TLCD2: variants seen among roughly 807,000 people sequenced by gnomAD.
TLCD2 encodes the protein TLC domain containing 2, also known as TLC domain-containing protein 2.
In TLCD2, 12 loss-of-function variants were observed where a neutral mutation model predicts 14.0. The observed-to-expected ratio is 0.86, with a 90% confidence interval of 0.55 to 1.39. TLCD2 has a LOEUF of 1.39. Ranked by LOEUF, TLCD2 falls within the 40% of genes most tolerant of loss-of-function variation. The pLI is 0.00. For synonymous variants in TLCD2, 166 were observed against 156.5 expected (o/e 1.06, Z -0.45); for missense variants, 360 against 346.8 (o/e 1.04, Z -0.30).
In TLCD2 at chr17:1,707,836, C is replaced by A; in HGVS notation, c.729G>T (p.Gly243=). The A allele has an allele frequency of 6.5e-7, 1 of 1,534,606 alleles. No individual in the cohort carries two copies. Among genetic ancestry groups the A allele is most frequent in the Non-Finnish European group, 8.7e-7 (1 of 1,145,414 alleles). ...PPSPGHEKTR[G]TRTRRDNGPV... ...GTCCATTGTCACGACGTGTCCTGGT[C>A]CCCCTGGTTTTCTCATGGCCAGGGC... The change falls in exon 4 of 4, where the codon GGG becomes GGT. Residue 243 remains glycine, a synonymous_variant. Coordinates refer to ENST00000330676, the MANE Select transcript of TLCD2 (RefSeq NM_001164407.2).
At chr17:1,708,726 A>T (rs1914122723) in intron 3 of TLCD2, among the ~76,000 whole-genome samples, 1 of 151,622 alleles carries the variant, frequency 6.6e-6, no homozygotes. Context: ...CTCGTGATCC[A>T]CCCGCCTCGG....
chr17:1,705,035 TTTTTTCTC>T lies in TLCD2; in HGVS notation c.*2727_*2734del, dbSNP rs1235822990. Reference sequence around the variant, plus strand: ...TAAATTGTTCTGTGCTCTCCTCCTTTTTTTTCTCTCTGTGATTCTCTTTGTCAGCTCCT... The same window carrying T: ...TAAATTGTTCTGTGCTCTCCTCCTTTTCTGTGATTCTCTTTGTCAGCTCCT... On this transcript the variant is annotated 3_prime_UTR_variant, in exon 4 of 4. Coordinates refer to ENST00000330676, the MANE Select transcript of TLCD2 (RefSeq NM_001164407.2). The T allele has an allele frequency of 3.9e-5, 6 of 152,094 alleles. No individual in the cohort carries two copies. Among genetic ancestry groups the T allele is most frequent in the Non-Finnish European group, 8.8e-5 (6 of 68,070 alleles). 9.4% of individuals were successfully genotyped at this position (152,094 alleles called of 1,614,324 possible). A position where few individuals can be genotyped will look rare whatever the true frequency, so the allele number is the denominator to read the frequency against.
At chr17:1,709,653 G>A (rs1325612519) in intron 2 of TLCD2, 72 bp from the exon 3 acceptor site, 9 of 627,920 alleles carry the variant, frequency 1.4e-5, no homozygotes, top group East Asian at 5.4e-5. Flanking sequence ...CAGCCCCCCC[G>A]CCCCGCCCCT....
rs773631302 is a variant in TLCD2, at chr17:1,703,751, G to A, written c.*4019C>T. 5.9e-5 allele frequency: 9 copies of A among 152,176 alleles called. No individual in the cohort carries two copies. The highest frequency in any genetic ancestry group is 1.2e-4 in the Non-Finnish European group (8 of 68,036). 9.4% of individuals were successfully genotyped at this position (152,176 alleles called of 1,614,324 possible). Reference sequence around the variant, plus strand: ...GTATACCAGTGGCCAAAGAAAAGGTGTATGACTTAGAATCAATTCATATCA... The same window carrying A: ...GTATACCAGTGGCCAAAGAAAAGGTATATGACTTAGAATCAATTCATATCA... On this transcript the variant is annotated 3_prime_UTR_variant, in exon 4 of 4. Coordinates refer to ENST00000330676, the MANE Select transcript of TLCD2 (RefSeq NM_001164407.2).
rs1914026166 is a variant in TLCD2 at position 1,706,132 on chromosome 17, GC to G, written c.*1637del. On this transcript the variant is annotated 3_prime_UTR_variant, in exon 4 of 4. Coordinates refer to ENST00000330676, the MANE Select transcript of TLCD2 (RefSeq NM_001164407.2). ...TGGGATTACAGGCATGCACCACCAT[GC>G]CCGGCTAATTTTGTATTTTTAGTAG... 3.9e-5 allele frequency: 6 copies of G among 152,242 alleles called. No homozygotes were observed. The South Asian group carries it at 1.2e-3, about 32-fold the overall frequency. The allele number at this position is 152,242 out of a possible 1,614,324, so 9.4% of individuals were successfully genotyped here.
chr17:1,708,170 G>C lies in TLCD2; in HGVS notation c.395C>G (p.Ser132Cys). 6.5e-7 allele frequency: 1 copy of C among 1,536,570 alleles called. No individual in the cohort carries two copies. Among genetic ancestry groups the C allele is most frequent in the Non-Finnish European group, 8.7e-7 (1 of 1,146,856 alleles). Residue 132 changes from serine (S) to cysteine (C), a missense_variant, in exon 4 of 4, where the codon TCC (serine) becomes TGC (cysteine). Transcript: ENST00000330676. ...CAGTTCCAGGAGCAGAGACACCATG[G>C]AGAAGCCCACGTAGTGGCCAGACAG... ...AVLSGHYVGF[S>C]MVSLLLELNS...
In TLCD2 at chr17:1,707,542, C is replaced by T; in HGVS notation, c.*228G>A. Reference sequence around the variant, plus strand: ...TTGAGTTTATTTGCTGGAAAGGATGCTCATCTGATGACGGATTTCAGTGAA... The same window carrying T: ...TTGAGTTTATTTGCTGGAAAGGATGTTCATCTGATGACGGATTTCAGTGAA... On this transcript the variant is annotated 3_prime_UTR_variant, in exon 4 of 4. Transcript: ENST00000330676. 4.1e-6 allele frequency: 2 copies of T among 490,818 alleles called. No homozygotes were observed. Among genetic ancestry groups the T allele is most frequent in the South Asian group, 4.1e-5 (1 of 24,492 alleles). 30.4% of individuals were successfully genotyped at this position (490,818 alleles called of 1,614,324 possible). A position where few individuals can be genotyped will look rare whatever the true frequency, so the allele number is the denominator to read the frequency against.
intron 2 of TLCD2, 35 bp downstream of exon 2, chr17:1,709,769 C>CAA: frequency 3.1e-6 from 4 of 1,306,492 alleles, no homozygotes; most frequent in African/African-American, 1.5e-5. Context: ...CCCGCCCCAT[C>CAA]CCCACCACCG....
chr17:1,707,598 C>G lies in TLCD2; in HGVS notation c.*172G>C. The G allele has an allele frequency of 1.1e-5, 6 of 564,476 alleles. No homozygotes were observed. The highest frequency in any genetic ancestry group is 1.8e-5 in the Non-Finnish European group (6 of 334,662). The allele number at this position is 564,476 out of a possible 1,614,324, so 35.0% of individuals were successfully genotyped here. A position where few individuals can be genotyped will look rare whatever the true frequency, so the allele number is the denominator to read the frequency against. The stretch of plus-strand genomic sequence containing the variant: ...ACCCAGGTTCCCACCCATCCAACAT[C>G]AGCATTTCTTCTTAGATCCGAGGAA... On this transcript the variant is annotated 3_prime_UTR_variant, in exon 4 of 4. Transcript: ENST00000330676.
Position 1,704,621 on chromosome 17 carries a change from A to G in TLCD2, c.*3149T>C, listed in dbSNP as rs1913973150. The G allele has an allele frequency of 6.6e-6, 1 of 151,050 alleles. No homozygotes were observed. The highest frequency in any genetic ancestry group is 1.5e-5 in the Non-Finnish European group (1 of 67,842). 9.4% of individuals were successfully genotyped at this position (151,050 alleles called of 1,614,324 possible). Reference sequence around the variant, plus strand: ...TGACTCTATGATGGAGACTTCTCACAATCCCTCTCATTTTTTTTTCACACC... The same window carrying G: ...TGACTCTATGATGGAGACTTCTCACGATCCCTCTCATTTTTTTTTCACACC... On this transcript the variant is annotated 3_prime_UTR_variant, in exon 4 of 4. Coordinates refer to ENST00000330676, the MANE Select transcript of TLCD2 (RefSeq NM_001164407.2).
At position 1,707,906 on chromosome 17, in the gene TLCD2, C is replaced by T. The variant is rs556402213; in HGVS notation, c.659G>A (p.Arg220His). The T allele has an allele frequency of 9.4e-5, 144 of 1,537,260 alleles. No homozygotes were observed. The highest frequency in any genetic ancestry group is 2.9e-4 in the Admixed American group (15 of 50,990). The change falls in exon 4 of 4, where the codon CGT (arginine) becomes CAT (histidine). Residue 220 changes from arginine (R) to histidine (H), a missense_variant. Coordinates refer to ENST00000330676, the MANE Select transcript of TLCD2 (RefSeq NM_001164407.2). ...VGIMSIILGI[R>H]ILVNDVLQSR... is the part of the protein sequence containing the mutation. ...CTGTAGGACATCATTGACCAGAATA[C>T]GGATCCCCAATATGATGCTCATGAT...
chr17:1,708,275 G>A (rs926519781), intron 3 of TLCD2, 53 bp from the exon 4 acceptor site: 4 of 1,385,134 alleles, frequency 2.9e-6, no homozygotes, highest in Non-Finnish European at 3.8e-6. Flanking sequence ...CAGCCATCAT[G>A]TCCCAATAAC....
At chr17:1,708,862 G>A (rs1914127194) in intron 3 of TLCD2, among the ~76,000 whole-genome samples, 1 of 152,216 alleles carries the variant, frequency 6.6e-6, no homozygotes, top group Non-Finnish European at 1.5e-5. Flanking sequence ...ACATTTCTGT[G>A]ATCAGCTGGA....
At position 1,707,080 on chromosome 17, in the gene TLCD2, T is replaced by A. The variant is rs1567705426; in HGVS notation, c.*690A>T. The A allele has an allele frequency of 1.3e-5, 2 of 151,858 alleles. No homozygotes were observed. Among genetic ancestry groups the A allele is most frequent in the African/African-American group, 2.4e-5 (1 of 41,282 alleles). 9.4% of individuals were successfully genotyped at this position (151,858 alleles called of 1,614,324 possible). ...TACTCGGGAGGCTAAGGCAGGACAA[T>A]CACTTGAACCCAGGAGGCTGAGGTT... is the stretch of plus-strand genomic sequence containing the variant. On this transcript the variant is annotated 3_prime_UTR_variant, in exon 4 of 4. Transcript: ENST00000330676.
rs1210148736 is a variant in TLCD2 at position 1,710,321 on chromosome 17, G to C, written c.-79C>G. ...CGCTCTCGGCCGGGACTGGGAACCC[G>C]TTTCCCGGCAGGGCTGGGGCCCCGG... On this transcript the variant is annotated 5_prime_UTR_variant, in exon 1 of 4. Transcript: ENST00000330676. This position sits in a 1 kb window ranked among gnomAD's most constrained non-coding sequence, Gnocchi z 6.1. 7.5e-7 allele frequency: 1 copy of C among 1,326,854 alleles called. No individual in the cohort carries two copies. The allele number at this position is 1,326,854 out of a possible 1,614,324, so 82.2% of individuals were successfully genotyped here. A position where few individuals can be genotyped will look rare whatever the true frequency, so the allele number is the denominator to read the frequency against.
In TLCD2 at chr17:1,710,298, C is replaced by T. The variant is rs1597267769; in HGVS notation, c.-56G>A. On this transcript the variant is annotated 5_prime_UTR_variant, in exon 1 of 4. Coordinates refer to ENST00000330676, the MANE Select transcript of TLCD2 (RefSeq NM_001164407.2). This position sits in a 1 kb window ranked among gnomAD's most constrained non-coding sequence, Gnocchi z 6.1. ...CGGGTCGGTCCCCTCGGCGCCCGCG[C>T]TCTCGGCCGGGACTGGGAACCCGTT... 7.2e-7 allele frequency: 1 copy of T among 1,398,090 alleles called. No individual in the cohort carries two copies. The highest frequency in any genetic ancestry group is 2.9e-5 in the East Asian group (1 of 34,700). 86.6% of individuals were successfully genotyped at this position (1,398,090 alleles called of 1,614,324 possible).
Position 1,708,165 on chromosome 17 carries a change from C to A in TLCD2, c.400G>T (p.Val134Leu). 2 of 1,536,572 alleles carry A rather than the reference C, an allele frequency of 1.3e-6. No individual in the cohort carries two copies. The highest frequency in any genetic ancestry group is 1.2e-5 in the South Asian group (1 of 84,050). Reference protein sequence around the residue: ...LSGHYVGFSMVSLLLELNSAC... With the variant: ...LSGHYVGFSMLSLLLELNSAC... ...GAGTTCAGTTCCAGGAGCAGAGACA[C>A]CATGGAGAAGCCCACGTAGTGGCCA... Residue 134 changes from valine to leucine, a missense_variant, in exon 4 of 4, where the codon GTG becomes TTG. Coordinates refer to ENST00000330676, the MANE Select transcript of TLCD2 (RefSeq NM_001164407.2).
rs1005759635 is a variant in TLCD2 at position 1,709,792 on chromosome 17, C to T, written c.259+12G>A. On this transcript the variant is annotated intron_variant, in intron 2 of 3. Transcript: ENST00000330676. The stretch of plus-strand genomic sequence containing the variant: ...ATCCCCACCACCGGCCCAGCCTTCC[C>T]TGCAGACTCACCCACAGACACAGCC... 87 of 1,501,298 alleles carry T rather than the reference C, an allele frequency of 5.8e-5. No individual in the cohort carries two copies. Among genetic ancestry groups the T allele is most frequent in the African/African-American group, 4.8e-4 (35 of 72,400 alleles). 93.0% of individuals were successfully genotyped at this position (1,501,298 alleles called of 1,614,324 possible). A position where few individuals can be genotyped will look rare whatever the true frequency, so the allele number is the denominator to read the frequency against.
intron 3 of TLCD2, 40 bp downstream of exon 3, chr17:1,709,459 C>CT (rs776796736): frequency 3.4e-6 from 5 of 1,462,778 alleles, no homozygotes; most frequent in Non-Finnish European, 3.7e-6. Context: ...CAGGGCTCCC[C>CT]TCCTCCCTTC....
Sources: gnomAD v4.1 joint callset for allele counts (sites outside exome capture counted in the v4.1 genomes callset) on GRCh38, gnomAD v4.1.1 for gene constraint, Gnocchi (gnomAD v3.1) non-coding constraint, MANE v1.5 for transcripts, NCBI Gene and HGNC (gene_info 2026-07-23, HGNC 2026-07-21) for gene names.